NSD3: variants seen among roughly 807,000 people sequenced by gnomAD.
NSD3 encodes nuclear receptor binding SET domain protein 3, also known as histone-lysine N-methyltransferase NSD3.
Under a neutral mutation model 160.8 loss-of-function variants are expected in NSD3, and 24 were observed. That is an observed-to-expected ratio of 0.15 (90% confidence interval 0.11 to 0.21). NSD3 has a LOEUF of 0.21. NSD3 is among the 10% of genes least tolerant of loss of function. NSD3 has a pLI of 1.00. For synonymous variants in NSD3, 520 were observed against 600.0 expected (o/e 0.87, Z 1.95); for missense variants, 1,157 against 1,735.9 (o/e 0.67, Z 5.93).
intron 21 of NSD3, 33 bp from the exon 22 acceptor site, chr8:38,278,445 G>A (rs376020362): frequency 4.5e-6 from 7 of 1,551,772 alleles, no homozygotes; most frequent in East Asian, 4.7e-5. Context: ...ATTCAAACTC[G>A]AGTCATGGGG....
rs1810564611 is a variant in NSD3 at position 38,347,491 on chromosome 8, A to C, written c.675+6T>G. The C allele has an allele frequency of 1.9e-6, 3 of 1,556,512 alleles. No homozygotes were observed. Among genetic ancestry groups the C allele is most frequent in the Non-Finnish European group, 8.6e-7 (1 of 1,156,402 alleles). Reference sequence around the variant, plus strand: ...CAAAATTTTTCAAAACGACTTTTCAACTTACATTTTGTTCCTCTGGTTCTA... The same window carrying C: ...CAAAATTTTTCAAAACGACTTTTCACCTTACATTTTGTTCCTCTGGTTCTA... On this transcript the variant is annotated splice_donor_region_variant and intron_variant, in intron 2 of 23. Coordinates refer to ENST00000317025, the MANE Select transcript of NSD3 (RefSeq NM_023034.2).
intron 2 of NSD3, among the ~76,000 whole-genome samples, chr8:38,341,768 A>G (rs956932865): frequency 6.6e-6 from 1 of 151,902 alleles, no homozygotes; most frequent in Admixed American, 6.6e-5. Flanking sequence ...CTTGGGCAAC[A>G]TGGCGAGACC....
intron 2 of NSD3, among the ~76,000 whole-genome samples, chr8:38,345,070 G>C (rs1308817456): frequency 6.6e-6 from 1 of 152,146 alleles, no homozygotes; most frequent in African/African-American, 2.4e-5. Flanking sequence ...GGGAGCTCTG[G>C]CTTTGAAGGT....
intron 15 of NSD3, among the ~76,000 whole-genome samples, chr8:38,296,819 C>A (rs1809161735): frequency 6.6e-6 from 1 of 151,912 alleles, no homozygotes; most frequent in Non-Finnish European, 1.5e-5. Context: ...TCAAGCAATC[C>A]TCCTGCCTCA....
chr8:38,294,189 C>T (rs1276940681), intron 16 of NSD3, among the ~76,000 whole-genome samples: 1 of 152,052 alleles, frequency 6.6e-6, no homozygotes, highest in African/African-American at 2.4e-5. Context: ...TCCTGGGCTC[C>T]AGCAATCCTC....
intron 22 of NSD3, among the ~76,000 whole-genome samples, chr8:38,276,997 A>G (rs948275838): frequency 6.6e-6 from 1 of 152,022 alleles, no homozygotes; most frequent in African/African-American, 2.4e-5. Context: ...GCTGGAGTGC[A>G]GTGGGGCGAT....
At chr8:38,328,007 G>A (rs942479100) in intron 6 of NSD3, among the ~76,000 whole-genome samples, 1 of 152,098 alleles carries the variant, frequency 6.6e-6, no homozygotes, top group African/African-American at 2.4e-5. Context: ...TTCAAGACCA[G>A]CCTGGGCACC....
chr8:38,377,060 GTTTT>G (rs769824559), intron 1 of NSD3, among the ~76,000 whole-genome samples: 26 of 152,014 alleles, frequency 1.7e-4, no homozygotes, highest in Non-Finnish European at 2.9e-4. Context: ...TCTTTGTTTT[GTTTT>G]GTTTTTGAGA....
chr8:38,353,478 C>T (rs940999284), intron 1 of NSD3, among the ~76,000 whole-genome samples: 1 of 152,168 alleles, frequency 6.6e-6, no homozygotes, highest in Non-Finnish European at 1.5e-5. Context: ...TATACAAGAT[C>T]AGCTTCCAGA....
chr8:38,313,932 T>C (rs1809596858), intron 12 of NSD3, among the ~76,000 whole-genome samples: 1 of 151,806 alleles, frequency 6.6e-6, no homozygotes, highest in African/African-American at 2.4e-5. Context: ...GAGTCAAAGG[T>C]AAGATCAGCA....
At chr8:38,370,318 T>A (rs535515323) in intron 1 of NSD3, among the ~76,000 whole-genome samples, 69 of 151,804 alleles carry the variant, frequency 4.5e-4, no homozygotes, top group African/African-American at 1.2e-3. Flanking sequence ...TTGAATTTTT[T>A]AAAAAAATTT....
At chr8:38,328,465 G>A (rs1809968980) in intron 6 of NSD3, among the ~76,000 whole-genome samples, 1 of 152,158 alleles carries the variant, frequency 6.6e-6, no homozygotes, top group Non-Finnish European at 1.5e-5. Context: ...AGTTTTTGCA[G>A]GTAGCTTGGC....
At chr8:38,292,746 GC>G (rs900346636) in intron 16 of NSD3, among the ~76,000 whole-genome samples, 33 of 152,030 alleles carry the variant, frequency 2.2e-4, no homozygotes, top group Admixed American at 3.9e-4. Flanking sequence ...CCAAGATCGT[GC>G]CACTGTACTC....
In NSD3 at chr8:38,329,807, T is replaced by C; in HGVS notation, c.1152A>G (p.Glu384=). 6.2e-7 allele frequency: 1 copy of C among 1,613,854 alleles called. No homozygotes were observed. Among genetic ancestry groups the C allele is most frequent in the Non-Finnish European group, 8.5e-7 (1 of 1,179,840 alleles). The change falls in exon 6 of 24, where the codon GAA becomes GAG. Residue 384 remains glutamate (E), a synonymous_variant. Transcript: ENST00000317025. This position sits in a 1 kb window ranked among gnomAD's most constrained non-coding sequence, Gnocchi z 4.8. ...TAAAAGTATACTGTTCTATTCTTTC[T>C]TCTCGAGTCATTTTCAATGCTTTCT... ...HAEKALKMTR[E]ERIEQYTFIY... is the part of the protein sequence containing the mutation.
At chr8:38,365,733 AC>A (rs1811090201) in intron 1 of NSD3, among the ~76,000 whole-genome samples, 2 of 152,128 alleles carry the variant, frequency 1.3e-5, no homozygotes, top group Non-Finnish European at 2.9e-5. Flanking sequence ...GGTGTGAGCC[AC>A]CGCACCCGGC....
chr8:38,299,805 GAAACCT>G (rs1396350431), intron 14 of NSD3: 18 of 385,950 alleles, frequency 4.7e-5, no homozygotes, highest in African/African-American at 2.1e-5. Context: ...ATATATTATA[GAAACCT>G]AAATTCTGCA....
chr8:38,329,162 C>T lies in NSD3; in HGVS notation c.1581+216G>A, dbSNP rs1027743844. 6.6e-6 allele frequency among the ~76,000 whole-genome samples: 1 copy of T among 152,144 alleles called. No homozygotes were observed. The highest frequency in any genetic ancestry group is 1.5e-5 in the Non-Finnish European group (1 of 68,034). On this transcript the variant is annotated intron_variant, in intron 6 of 23. Coordinates refer to ENST00000317025, the MANE Select transcript of NSD3 (RefSeq NM_023034.2). The surrounding 1 kb of genome is among the most constrained non-coding windows in gnomAD (Gnocchi z 4.8). ...GGCTGCACAGCTCAAGACTAATCTA[C>T]TACAGATGGGAAAATCACAAAAGAA...
At chr8:38,338,345 C>T (rs1289415264) in intron 3 of NSD3, among the ~76,000 whole-genome samples, 191 bp downstream of exon 3, 1 of 144,268 alleles carries the variant, frequency 6.9e-6, no homozygotes, top group Admixed American at 6.9e-5. Context: ...GAAAAAAAAA[C>T]AGGTCATAGT....
At position 38,337,296 on chromosome 8, in the gene NSD3, T is replaced by A; in HGVS notation, c.910+9A>T. ...CTTTTACTTAGTATCTGTTTATGCC[T>A]TTTCTTACCTCTTGTGTTAATTTTA... On this transcript the variant is annotated intron_variant, in intron 4 of 23. Transcript: ENST00000317025. 1 of 1,590,826 alleles carries A rather than the reference T, an allele frequency of 6.3e-7. No individual in the cohort carries two copies. Among genetic ancestry groups the A allele is most frequent in the Admixed American group, 1.9e-5 (1 of 54,012 alleles).
Sources: allele counts gnomAD v4.1 joint callset (sites outside exome capture counted in the v4.1 genomes callset), GRCh38; gene constraint gnomAD v4.1.1; non-coding constraint Gnocchi (gnomAD v3.1); transcripts MANE v1.5; gene names NCBI Gene and HGNC (gene_info 2026-07-23, HGNC 2026-07-21).